TMEM74: variants seen among roughly 807,000 people sequenced by gnomAD.
TMEM74 encodes the protein transmembrane protein 74.
TMEM74 carries 13 observed loss-of-function variants against 18.1 expected under a neutral mutation model. The observed-to-expected ratio is 0.72, with a 90% CI of 0.47 to 1.14. TMEM74 has a LOEUF of 1.14. Ranked by LOEUF, TMEM74 falls within the 50% of genes most tolerant of loss-of-function variation. The pLI is 0.00. For missense variants in TMEM74, 372 were observed against 375.9 expected (o/e 0.99, Z 0.09); for synonymous variants, 159 against 146.6 (o/e 1.08, Z -0.61).
intron 1 of TMEM74, among the ~76,000 whole-genome samples, chr8:108,720,754 A>G (rs142642595): frequency 0.03 from 753 of 25,478 alleles, 10 homozygotes; most frequent in African/African-American, 0.066. Context: ...TTATTTATTT[A>G]TTAGTTTGTT....
intron 2 of TMEM74, among the ~76,000 whole-genome samples, chr8:108,610,117 C>A (rs953917805): frequency 7.9e-5 from 12 of 152,032 alleles, no homozygotes; most frequent in African/African-American, 2.4e-4. Flanking sequence ...GAACTAGGAC[C>A]TAGGAACCTG....
chr8:108,701,210 A>C (rs1056525037), intron 1 of TMEM74, among the ~76,000 whole-genome samples: 11 of 152,046 alleles, frequency 7.2e-5, no homozygotes, highest in South Asian at 4.2e-4. Context: ...AAAAAAAAAA[A>C]AAACAACTCT....
At chr8:108,694,334 TATG>T (rs142514390) in intron 1 of TMEM74, among the ~76,000 whole-genome samples, 4,454 of 152,266 alleles carry the variant, frequency 0.029, 118 homozygotes, top group African/African-American at 0.066. Flanking sequence ...CATAAAAAGA[TATG>T]ATACTGATAC....
chr8:108,777,617 C>T (rs1352514738), downstream of TMEM74, among the ~76,000 whole-genome samples: 1 of 152,046 alleles, frequency 6.6e-6, no homozygotes, highest in African/African-American at 2.4e-5. Flanking sequence ...AATAAAACAG[C>T]CAGTATAAAT....
intron 2 of TMEM74, chr8:108,652,243 A>G (rs1812782099): frequency 6.6e-6 from 1 of 152,670 alleles, no homozygotes; most frequent in African/African-American, 2.4e-5. Flanking sequence ...ATTATAGTGT[A>G]ATCTTACTAT....
At chr8:108,617,890 C>T (rs577317263) in intron 2 of TMEM74, among the ~76,000 whole-genome samples, 44 of 152,230 alleles carry the variant, frequency 2.9e-4, no homozygotes, top group African/African-American at 8.9e-4. Context: ...TTCCTGAGAC[C>T]TTTCTTTTCC....
intron 2 of TMEM74, among the ~76,000 whole-genome samples, chr8:108,640,224 CA>C (rs1812650564): frequency 6.9e-6 from 1 of 145,930 alleles, no homozygotes; most frequent in Non-Finnish European, 1.5e-5. Flanking sequence ...ACTCCAACTC[CA>C]GGGTTCAAGC....
At chr8:108,669,819 C>A (rs866571856) in intron 1 of TMEM74, among the ~76,000 whole-genome samples, 2 of 152,116 alleles carry the variant, frequency 1.3e-5, no homozygotes, top group East Asian at 3.9e-4. Context: ...GGGCGGATCA[C>A]CTAAGGTCAG....
chr8:108,716,168 T>A (rs1335911518), intron 1 of TMEM74, among the ~76,000 whole-genome samples: 1 of 152,072 alleles, frequency 6.6e-6, no homozygotes, highest in African/African-American at 2.4e-5. Flanking sequence ...AGAGCAAACT[T>A]CCAAATACAT....
chr8:108,642,611 T>TG (rs1320779217), intron 2 of TMEM74, among the ~76,000 whole-genome samples: 1 of 152,106 alleles, frequency 6.6e-6, no homozygotes, highest in Non-Finnish European at 1.5e-5. Context: ...TAGAATTAAT[T>TG]AACTACTGAG....
rs1216475230 is a variant in TMEM74, at chr8:108,779,305, ATAAT to A, written c.*4872_*4875del. On this transcript the variant is annotated 3_prime_UTR_variant, in exon 2 of 2. Coordinates refer to ENST00000297459, the MANE Select transcript of TMEM74 (RefSeq NM_153015.3). ...ACAAACTCTCAATACACAATATGTA[ATAAT>A]TAATCTTTCTTTCTTATATGACATT... 6.6e-6 allele frequency among the ~76,000 whole-genome samples: 1 copy of A among 152,196 alleles called. No individual in the cohort carries two copies. The highest frequency in any genetic ancestry group is 1.5e-5 in the Non-Finnish European group (1 of 68,018).
chr8:108,691,998 G>C (rs1267384035), intron 1 of TMEM74, among the ~76,000 whole-genome samples: 1 of 152,112 alleles, frequency 6.6e-6, no homozygotes, highest in African/African-American at 2.4e-5. Context: ...TTCAAATAAT[G>C]TTCCAGGCAT....
At chr8:108,667,421 T>C (rs932034666) in intron 1 of TMEM74, among the ~76,000 whole-genome samples, 1 of 152,180 alleles carries the variant, frequency 6.6e-6, no homozygotes, top group Admixed American at 6.5e-5. Context: ...AGAATGATCA[T>C]CAGTTACTGA....
intron 1 of TMEM74, among the ~76,000 whole-genome samples, chr8:108,737,186 C>T (rs1024035253): frequency 1.3e-5 from 2 of 152,078 alleles, no homozygotes; most frequent in African/African-American, 4.8e-5. Context: ...TATGTATGGA[C>T]TCCTGAGTGA....
At chr8:108,689,444 A>G (rs1168549339) in intron 1 of TMEM74, among the ~76,000 whole-genome samples, 3 of 152,194 alleles carry the variant, frequency 2.0e-5, no homozygotes, top group African/African-American at 2.4e-5. Context: ...AGATGATCCT[A>G]TGTAAAATGA....
chr8:108,634,053 G>C (rs1190405015), intron 2 of TMEM74, among the ~76,000 whole-genome samples: 9 of 151,950 alleles, frequency 5.9e-5, no homozygotes, highest in Non-Finnish European at 1.3e-4. Flanking sequence ...GATGACAAAA[G>C]TTACCGGCAA....
chr8:108,704,823 G>A (rs1232981440), intron 1 of TMEM74, among the ~76,000 whole-genome samples: 1 of 152,174 alleles, frequency 6.6e-6, no homozygotes, highest in African/African-American at 2.4e-5. Flanking sequence ...TACCTTCCAG[G>A]TGTCTGAGGA....
intron 2 of TMEM74, among the ~76,000 whole-genome samples, chr8:108,629,131 G>C (rs1187246788): frequency 6.6e-6 from 1 of 151,938 alleles, no homozygotes; most frequent in Non-Finnish European, 1.5e-5. Context: ...GTTTAGAGGA[G>C]AACATAATTG....
intron 2 of TMEM74, among the ~76,000 whole-genome samples, chr8:108,623,368 G>T (rs151194188): frequency 8.1e-4 from 123 of 152,116 alleles, no homozygotes; most frequent in Admixed American, 1.2e-3. Flanking sequence ...GGCTTTTGTT[G>T]GCTTTTGAAG....
Sources: allele counts gnomAD v4.1 joint callset (sites outside exome capture counted in the v4.1 genomes callset), GRCh38; gene constraint gnomAD v4.1.1; transcripts MANE v1.5; gene names NCBI Gene and HGNC (gene_info 2026-07-23, HGNC 2026-07-21).